Variants in DCBLD2 observed in about 807,000 individuals in gnomAD.
DCBLD2 encodes the protein discoidin, CUB and LCCL domain-containing protein 2.
In DCBLD2, 54 loss-of-function variants were observed where a neutral mutation model predicts 86.8. The observed-to-expected ratio is 0.62, with a 90% CI of 0.50 to 0.78. The LOEUF (loss-of-function observed/expected upper bound fraction) is 0.78, where lower values mean the gene tolerates loss of function less well. Ranked by LOEUF, DCBLD2 falls within the 30% of genes least tolerant of loss-of-function variation. The probability of loss-of-function intolerance (pLI) is 0.00; values close to 1 mark genes in which losing one functional copy is unlikely to be tolerated. For missense variants in DCBLD2, 908 were observed against 954.2 expected, an observed-to-expected ratio of 0.95 and a Z score of 0.64; for synonymous variants, 354 against 341.3, an observed-to-expected ratio of 1.04 and a Z score of -0.41.
Position 98,800,628 on chromosome 3 carries a change from A to C in DCBLD2, c.1809T>G (p.Asn603Lys). 1 of 1,613,946 alleles carries C rather than the reference A, an allele frequency of 6.2e-7. No individual in the cohort carries two copies. The highest frequency in any genetic ancestry group is 8.5e-7 in the Non-Finnish European group (1 of 1,179,874). The stretch of plus-strand genomic sequence containing the variant: ...TGGTGACTTCTCTTGGACTCAGGTG[A>C]TTAACTTCGCTGCTGCTATAGCGAA... ...TPVRYSSSEV[N>K]HLSPREVTTV... Residue 603 changes from asparagine to lysine, a missense_variant, in exon 15 of 16, where the codon AAT becomes AAG. This residue lies in a region of DCBLD2 where 606 missense variants were observed against 678.5 expected (regional missense o/e 0.89). Coordinates refer to ENST00000326840, the MANE Select transcript of DCBLD2 (RefSeq NM_080927.4).
intron 3 of DCBLD2, among the ~76,000 whole-genome samples, chr3:98,826,214 C>T (rs1942218188): frequency 6.6e-6 from 1 of 152,140 alleles, no homozygotes; most frequent in African/African-American, 2.4e-5. Flanking sequence ...CAGTGGCTTC[C>T]TTCTCTTAGG....
At chr3:98,836,702 G>A (rs1445177650) in intron 3 of DCBLD2, among the ~76,000 whole-genome samples, 1 of 88,218 alleles carries the variant, frequency 1.1e-5, no homozygotes, top group African/African-American at 4.0e-5. Flanking sequence ...CTCCCGGACG[G>A]GGCGGCTGGC....
rs1205660405 is a variant in DCBLD2 at position 98,870,745 on chromosome 3, G to GAAAGA, written c.433+10790_433+10794dup. The stretch of plus-strand genomic sequence containing the variant: ...GGAAAAGAAAAGAAAGAAAAAGAAA[G>GAAAGA]AAAGAAAGAAAGAAAGAAAGAAAGA... On this transcript the variant is annotated intron_variant, in intron 2 of 15. Coordinates refer to ENST00000326840, the MANE Select transcript of DCBLD2 (RefSeq NM_080927.4). 3.6e-4 allele frequency among the ~76,000 whole-genome samples: 29 copies of GAAAGA among 79,656 alleles called. 1 individual carries two copies. Among genetic ancestry groups the GAAAGA allele is most frequent in the African/African-American group, 1.4e-3 (29 of 20,600 alleles). 52.3% of individuals were successfully genotyped at this position (79,656 alleles called of 152,430 possible). A position where few individuals can be genotyped will look rare whatever the true frequency, so the allele number is the denominator to read the frequency against.
At position 98,901,337 on chromosome 3, in the gene DCBLD2, G is replaced by C. The variant is rs1180360808; in HGVS notation, c.-11C>G. On this transcript the variant is annotated 5_prime_UTR_variant, in exon 1 of 16. Transcript: ENST00000326840. ...CGCCCGGCTCGCCATCGCGGCGGCCGGCAGTCTGCCTGCATAGTGCGGGTG... is the reference window on the plus strand; with the variant it reads ...CGCCCGGCTCGCCATCGCGGCGGCCCGCAGTCTGCCTGCATAGTGCGGGTG... 1.4e-6 allele frequency: 2 copies of C among 1,399,524 alleles called. No individual in the cohort carries two copies. Among genetic ancestry groups the C allele is most frequent in the South Asian group, 1.6e-5 (1 of 61,898 alleles). The allele number at this position is 1,399,524 out of a possible 1,614,324, so 86.7% of individuals were successfully genotyped here. A position where few individuals can be genotyped will look rare whatever the true frequency, so the allele number is the denominator to read the frequency against.
intron 3 of DCBLD2, among the ~76,000 whole-genome samples, chr3:98,838,227 G>A (rs1383674362): frequency 1.5e-4 from 17 of 111,094 alleles, no homozygotes; most frequent in African/African-American, 2.3e-4. Flanking sequence ...GCTGCCGGGC[G>A]GAGAGGCTCC....
Position 98,876,361 on chromosome 3 carries a change from T to TA in DCBLD2, c.433+5178dup, listed in dbSNP as rs1228037794. 2.1e-3 allele frequency among the ~76,000 whole-genome samples: 72 copies of TA among 33,560 alleles called. 1 individual carries two copies. In the Middle Eastern group the frequency reaches 0.043, roughly 20 times the overall value. The allele number at this position is 33,560 out of a possible 152,430, so 22.0% of individuals were successfully genotyped here. A position where few individuals can be genotyped will look rare whatever the true frequency, so the allele number is the denominator to read the frequency against. ...ATATAGAAAGACCTGTCTTTAAAAA[T>TA]AAAAAAAAACTTGACAGAAAAACGG... On this transcript the variant is annotated intron_variant, in intron 2 of 15. Coordinates refer to ENST00000326840, the MANE Select transcript of DCBLD2 (RefSeq NM_080927.4).
intron 2 of DCBLD2, among the ~76,000 whole-genome samples, chr3:98,862,170 C>A (rs1943056433): frequency 6.6e-6 from 1 of 151,988 alleles, no homozygotes; most frequent in African/African-American, 2.4e-5. Flanking sequence ...AAGACTAAAC[C>A]AGGAAGAAGT....
chr3:98,817,353 T>C (rs1942040916), intron 9 of DCBLD2, among the ~76,000 whole-genome samples: 1 of 152,244 alleles, frequency 6.6e-6, no homozygotes, highest in African/African-American at 2.4e-5. Flanking sequence ...TAATATCCTA[T>C]AATTTAATGC....
chr3:98,806,603 C>T (rs1274876795), intron 13 of DCBLD2, among the ~76,000 whole-genome samples: 1 of 152,094 alleles, frequency 6.6e-6, no homozygotes, highest in Non-Finnish European at 1.5e-5. Context: ...GCATTGCATC[C>T]GTTCCTAATC....
At chr3:98,850,314 G>A (rs760614734) in intron 2 of DCBLD2, among the ~76,000 whole-genome samples, 11 of 152,138 alleles carry the variant, frequency 7.2e-5, no homozygotes, top group Admixed American at 1.3e-4. Context: ...CAGCTTTTGG[G>A]CACGATCAAT....
rs2107411193 is a variant in DCBLD2 at position 98,797,708 on chromosome 3, T to C, written c.*1664A>G. On this transcript the variant is annotated 3_prime_UTR_variant, in exon 16 of 16. Transcript: ENST00000326840. Reference sequence around the variant, plus strand: ...CCATACCACAAAAGGACAGGAAGCCTGCAGAAATAAACAGTTCTCTTTCTG... The same window carrying C: ...CCATACCACAAAAGGACAGGAAGCCCGCAGAAATAAACAGTTCTCTTTCTG... The C allele has an allele frequency of 6.6e-6, 1 of 152,320 alleles. No individual in the cohort carries two copies. The highest frequency in any genetic ancestry group is 2.4e-5 in the African/African-American group (1 of 41,590). 9.4% of individuals were successfully genotyped at this position (152,320 alleles called of 1,614,324 possible). A position where few individuals can be genotyped will look rare whatever the true frequency, so the allele number is the denominator to read the frequency against.
chr3:98,866,469 A>G (rs1943147378), intron 2 of DCBLD2, among the ~76,000 whole-genome samples: 1 of 152,178 alleles, frequency 6.6e-6, no homozygotes, highest in Non-Finnish European at 1.5e-5. Context: ...AGTGATGATG[A>G]GCATTTTTTC....
At chr3:98,803,180 G>A (rs1941762333) in intron 13 of DCBLD2, among the ~76,000 whole-genome samples, 1 of 152,172 alleles carries the variant, frequency 6.6e-6, no homozygotes, top group Admixed American at 6.5e-5. Context: ...CTATCCATGA[G>A]CATGGAATGT....
intron 1 of DCBLD2, among the ~76,000 whole-genome samples, chr3:98,899,472 G>C (rs1943811290): frequency 6.6e-6 from 1 of 151,894 alleles, no homozygotes; most frequent in Non-Finnish European, 1.5e-5. Context: ...GGATGGTCTC[G>C]ATCTCCTGAC....
At chr3:98,860,595 C>G (rs1187762897) in intron 2 of DCBLD2, among the ~76,000 whole-genome samples, 1 of 152,172 alleles carries the variant, frequency 6.6e-6, no homozygotes, top group East Asian at 1.9e-4. Context: ...AAAGAATTTT[C>G]AACCCGGAAT....
chr3:98,894,676 C>T (rs1217093091), intron 1 of DCBLD2, among the ~76,000 whole-genome samples: 1 of 152,050 alleles, frequency 6.6e-6, no homozygotes, highest in African/African-American at 2.4e-5. Context: ...CAAGACATGG[C>T]TCTGTTCCCG....
At chr3:98,827,286 T>C (rs1942240812) in intron 3 of DCBLD2, among the ~76,000 whole-genome samples, 1 of 152,146 alleles carries the variant, frequency 6.6e-6, no homozygotes, top group African/African-American at 2.4e-5. Context: ...AAGAATCAAT[T>C]TTCCACTTTC....
At chr3:98,806,340 G>A (rs1941838679) in intron 13 of DCBLD2, among the ~76,000 whole-genome samples, 1 of 152,166 alleles carries the variant, frequency 6.6e-6, no homozygotes, top group Non-Finnish European at 1.5e-5. Context: ...ACTAAGATTA[G>A]CATTCAATTT....
intron 2 of DCBLD2, among the ~76,000 whole-genome samples, chr3:98,871,517 T>C (rs1466801840): frequency 6.6e-6 from 1 of 152,194 alleles, no homozygotes; most frequent in Non-Finnish European, 1.5e-5. Context: ...TCAAATGCTT[T>C]TTCTTCATCT....
Sources: gnomAD v4.1 joint callset for allele counts (sites outside exome capture counted in the v4.1 genomes callset) on GRCh38, gnomAD v4.1.1 for gene constraint, gnomAD v4.1.1 regional missense constraint, MANE v1.5 for transcripts, NCBI Gene and HGNC (gene_info 2026-07-23, HGNC 2026-07-21) for gene names.